Variants in NSMCE2 observed in about 807,000 individuals in gnomAD.
NSMCE2 encodes the protein NSE2 SUMO ligase component of SMC5/6 complex.
In NSMCE2, 24 loss-of-function variants were observed where a neutral mutation model predicts 23.8. That is an observed-to-expected ratio of 1.01 (90% CI 0.73 to 1.42). The LOEUF is 1.42. Among genes scored for constraint, NSMCE2 ranks in the 40% most tolerant of loss-of-function variants. NSMCE2 has a pLI of 0.00. For synonymous variants in NSMCE2, 92 were observed against 94.1 expected, an observed-to-expected ratio of 0.98 and a Z score of 0.13; for missense variants, 284 against 296.5, an observed-to-expected ratio of 0.96 and a Z score of 0.31.
chr8:125,109,132 T>C (rs1025142841), intron 3 of NSMCE2, among the ~76,000 whole-genome samples: 2 of 152,208 alleles, frequency 1.3e-5, no homozygotes, highest in Admixed American at 6.5e-5. Flanking sequence ...ATGTATCTTA[T>C]ACCCTCATTG....
chr8:125,178,460 A>G (rs1822600192), intron 4 of NSMCE2, among the ~76,000 whole-genome samples: 1 of 152,250 alleles, frequency 6.6e-6, no homozygotes, highest in Non-Finnish European at 1.5e-5. Flanking sequence ...TTTTTAAATT[A>G]TAATGATATA....
chr8:125,237,694 T>A (rs1825616844), intron 5 of NSMCE2, among the ~76,000 whole-genome samples: 1 of 152,244 alleles, frequency 6.6e-6, no homozygotes, highest in Admixed American at 6.5e-5. Context: ...GTGAGTTTTG[T>A]TAGCATAAAT....
At chr8:125,125,878 G>A (rs1455187728) in intron 3 of NSMCE2, among the ~76,000 whole-genome samples, 1 of 152,154 alleles carries the variant, frequency 6.6e-6, no homozygotes, top group African/African-American at 2.4e-5. Context: ...GGTGAGGAAG[G>A]GCCCAGGGTG....
At chr8:125,304,302 T>C (rs937571325) in intron 5 of NSMCE2, among the ~76,000 whole-genome samples, 4 of 152,314 alleles carry the variant, frequency 2.6e-5, no homozygotes, top group African/African-American at 7.2e-5. Context: ...TAGTAAGTGA[T>C]AGTTGCCACC....
chr8:125,167,205 G>C (rs1459197680), intron 4 of NSMCE2, among the ~76,000 whole-genome samples: 1 of 152,190 alleles, frequency 6.6e-6, no homozygotes, highest in Non-Finnish European at 1.5e-5. Context: ...AACCACTACT[G>C]AGTTGTGTAG....
At chr8:125,118,840 T>C (rs1563661064) in intron 3 of NSMCE2, among the ~76,000 whole-genome samples, 1 of 152,226 alleles carries the variant, frequency 6.6e-6, no homozygotes, top group African/African-American at 2.4e-5. Flanking sequence ...CATTTACCAG[T>C]GATTGATGCA....
At chr8:125,179,319 A>G (rs1247068161) in intron 4 of NSMCE2, among the ~76,000 whole-genome samples, 1 of 152,210 alleles carries the variant, frequency 6.6e-6, no homozygotes, top group African/African-American at 2.4e-5. Context: ...GCTGGGTGAC[A>G]GAGCCCGACC....
At chr8:125,120,260 C>T (rs1819203612) in intron 3 of NSMCE2, among the ~76,000 whole-genome samples, 1 of 152,052 alleles carries the variant, frequency 6.6e-6, no homozygotes. Context: ...CAGAGAAGGG[C>T]AAGAAAGCAT....
chr8:125,308,661 A>G (rs1172636520), intron 5 of NSMCE2, among the ~76,000 whole-genome samples: 7 of 152,214 alleles, frequency 4.6e-5, no homozygotes, highest in Non-Finnish European at 1.0e-4. Context: ...CACACGATAC[A>G]AAGGTGATAC....
intron 4 of NSMCE2, among the ~76,000 whole-genome samples, chr8:125,174,856 A>G (rs1423955243): frequency 1.3e-5 from 2 of 152,188 alleles, no homozygotes; most frequent in South Asian, 4.1e-4. Flanking sequence ...ATGCTAAATA[A>G]TGGCACTAGG....
At chr8:125,138,154 G>A (rs1317544559) in intron 3 of NSMCE2, among the ~76,000 whole-genome samples, 1 of 152,168 alleles carries the variant, frequency 6.6e-6, no homozygotes, top group East Asian at 1.9e-4. Flanking sequence ...GATTGTAAAA[G>A]TCAGCAGTAC....
At chr8:125,096,568 T>C (rs1179247034) in intron 1 of NSMCE2, among the ~76,000 whole-genome samples, 1 of 151,500 alleles carries the variant, frequency 6.6e-6, no homozygotes, top group Non-Finnish European at 1.5e-5. Context: ...AAAATAACTG[T>C]CACTTTTTGT....
At chr8:125,334,133 G>A (rs967717859) in intron 5 of NSMCE2, among the ~76,000 whole-genome samples, 1 of 152,134 alleles carries the variant, frequency 6.6e-6, no homozygotes, top group African/African-American at 2.4e-5. Flanking sequence ...TAGTTAAAGG[G>A]TGTTCAGTTC....
intron 5 of NSMCE2, among the ~76,000 whole-genome samples, chr8:125,328,151 CTT>C (rs34667555): frequency 1.2e-3 from 167 of 141,614 alleles, no homozygotes; most frequent in East Asian, 4.1e-3. Context: ...TCTCACTGGC[CTT>C]TTTTTTTTTT....
chr8:125,182,551 GA>G, intron 5 of NSMCE2: 1 of 454,788 alleles, frequency 2.2e-6, no homozygotes, highest in Non-Finnish European at 3.8e-6. Context: ...AAATAAAAGT[GA>G]AAACTATTTT....
At chr8:125,279,160 C>G (rs1192527664) in intron 5 of NSMCE2, among the ~76,000 whole-genome samples, 3 of 152,134 alleles carry the variant, frequency 2.0e-5, no homozygotes, top group Admixed American at 2.0e-4. Flanking sequence ...ACTCTTATTA[C>G]AAAGCTATGT....
At chr8:125,299,491 A>C (rs986245523) in intron 5 of NSMCE2, among the ~76,000 whole-genome samples, 2 of 152,180 alleles carry the variant, frequency 1.3e-5, no homozygotes, top group African/African-American at 4.8e-5. Context: ...TTAAACCATC[A>C]GATCTCAAGA....
intron 5 of NSMCE2, among the ~76,000 whole-genome samples, chr8:125,238,922 G>T (rs1233644383): frequency 6.6e-6 from 1 of 152,150 alleles, no homozygotes; most frequent in Non-Finnish European, 1.5e-5. Context: ...CCTGTATATT[G>T]TTACAGAGCT....
At chr8:125,308,083 C>T (rs1828832713) in intron 5 of NSMCE2, among the ~76,000 whole-genome samples, 1 of 152,098 alleles carries the variant, frequency 6.6e-6, no homozygotes, top group African/African-American at 2.4e-5. Context: ...TACCAGGCCC[C>T]ACCTGGCCCA....
Sources: allele counts gnomAD v4.1 joint callset (sites outside exome capture counted in the v4.1 genomes callset), GRCh38; gene constraint gnomAD v4.1.1; transcripts MANE v1.5; gene names NCBI Gene and HGNC (gene_info 2026-07-23, HGNC 2026-07-21).